The following SNX2 variants were observed in gnomAD, a reference collection of about 807,000 sequenced individuals.
SNX2 encodes the protein sorting nexin-2.
A neutral mutation model predicts 69.9 loss-of-function variants in SNX2; 25 were observed. The ratio of observed to expected loss-of-function variants is 0.36; its 90% CI spans 0.26 to 0.50. The LOEUF is 0.50. Ranked by LOEUF, SNX2 falls within the 20% of genes least tolerant of loss-of-function variation. SNX2 has a pLI of 0.97. For missense variants in SNX2, 551 were observed against 613.3 expected, an observed-to-expected ratio of 0.90 and a Z score of 1.07; for synonymous variants, 229 against 200.4, an observed-to-expected ratio of 1.14 and a Z score of -1.20.
Position 122,803,488 on chromosome 5 carries a change from T to C in SNX2, c.518T>C (p.Phe173Ser). ...CACTTGTAGACATCTCTTTCCATGT[T>C]CAGTAAGAGTGAATTTTCAGTGAAA... Reference protein sequence around the residue: ...RVTTKTSLSMFSKSEFSVKRR... With the variant: ...RVTTKTSLSMSSKSEFSVKRR... The change falls in exon 6 of 15, where the codon TTC (phenylalanine) becomes TCC (serine). Residue 173 changes from phenylalanine to serine, a missense_variant. Coordinates refer to ENST00000379516, the MANE Select transcript of SNX2 (RefSeq NM_003100.4). The C allele has an allele frequency of 6.2e-7, 1 of 1,609,078 alleles. No individual in the cohort carries two copies.
chr5:122,816,365 T>C (rs986894214), intron 8 of SNX2, among the ~76,000 whole-genome samples: 1 of 152,186 alleles, frequency 6.6e-6, no homozygotes, highest in Middle Eastern at 3.2e-3. Flanking sequence ...AATGCAAATT[T>C]GTGACTTGAA....
chr5:122,802,115 A>G lies in SNX2; in HGVS notation c.492A>G (p.Val164=), dbSNP rs765877283. Residue 164 remains valine (V), a synonymous_variant, in exon 5 of 15, where the codon GTA becomes GTG. Transcript: ENST00000379516. Reference sequence around the variant, plus strand: ...TGAATGCCTATATGGCATATAGAGTAACAACAAAGGTGAGCTTTTTGTGCT... The same window carrying G: ...TGAATGCCTATATGGCATATAGAGTGACAACAAAGGTGAGCTTTTTGTGCT... The part of the protein sequence containing the change: ...DGMNAYMAYR[V]TTKTSLSMFS... 2.0e-5 allele frequency: 33 copies of G among 1,613,740 alleles called. No homozygotes were observed. Among genetic ancestry groups the G allele is most frequent in the African/African-American group, 1.1e-4 (8 of 74,934 alleles).
At chr5:122,820,761 T>C (rs1267878870) in intron 11 of SNX2, among the ~76,000 whole-genome samples, 1 of 152,216 alleles carries the variant, frequency 6.6e-6, no homozygotes, top group Admixed American at 6.5e-5. Flanking sequence ...TACAGTTAGC[T>C]AAGTTTGGGA....
At position 122,818,799 on chromosome 5, in the gene SNX2, AC is replaced by A. The variant is rs1300875299; in HGVS notation, c.1007-18del. ...TTATGAGTGAACACTAAAATTGCATACTTTTTTTTAAATTTCAGAACTTTCA... is the reference window on the plus strand; with the variant it reads ...TTATGAGTGAACACTAAAATTGCATATTTTTTTTAAATTTCAGAACTTTCA... On this transcript the variant is annotated intron_variant, in intron 10 of 14. Coordinates refer to ENST00000379516, the MANE Select transcript of SNX2 (RefSeq NM_003100.4). The A allele has an allele frequency of 6.2e-7, 1 of 1,601,204 alleles. No homozygotes were observed. Among genetic ancestry groups the A allele is most frequent in the African/African-American group, 1.3e-5 (1 of 74,490 alleles).
chr5:122,806,113 C>CGTGTGTGTGTGT (rs767764868), intron 6 of SNX2, among the ~76,000 whole-genome samples: 128 of 117,404 alleles, frequency 1.1e-3, no homozygotes, highest in African/African-American at 2.5e-3. Flanking sequence ...TGTGTGTGTG[C>CGTGTGTGTGTGT]GTGTGTGTAT....
At chr5:122,789,505 T>G (rs1254498471) in intron 1 of SNX2, among the ~76,000 whole-genome samples, 1 of 128,156 alleles carries the variant, frequency 7.8e-6, no homozygotes, top group Non-Finnish European at 1.7e-5. Flanking sequence ...ACACACACAC[T>G]CTTCCTCTAG....
chr5:122,809,950 G>C (rs1156864633), intron 7 of SNX2, among the ~76,000 whole-genome samples: 1 of 152,130 alleles, frequency 6.6e-6, no homozygotes, highest in African/African-American at 2.4e-5. Context: ...TTTATTGTAG[G>C]AGAGGTCATA....
At position 122,833,512 on chromosome 5, in the gene SNX2, T is replaced by C. The variant is rs1754342296; in HGVS notation, c.*3864T>C. 1 of 152,210 alleles carries C rather than the reference T, an allele frequency of 6.6e-6. No individual in the cohort carries two copies. Among genetic ancestry groups the C allele is most frequent in the Non-Finnish European group, 1.5e-5 (1 of 68,026 alleles). 9.4% of individuals were successfully genotyped at this position (152,210 alleles called of 1,614,324 possible). A position where few individuals can be genotyped will look rare whatever the true frequency, so the allele number is the denominator to read the frequency against. On this transcript the variant is annotated 3_prime_UTR_variant, in exon 15 of 15. Transcript: ENST00000379516. ...AGTTATAAGATATTTTACATTCTTT[T>C]TTTGATATCTGATGTATATTTTACA...
At chr5:122,776,003 C>T (rs1027355129) in intron 1 of SNX2, among the ~76,000 whole-genome samples, 1 of 152,128 alleles carries the variant, frequency 6.6e-6, no homozygotes, top group East Asian at 1.9e-4. Context: ...GAAGCACCCT[C>T]TATAAACTTA....
At chr5:122,810,924 G>C (rs12109789) in intron 7 of SNX2, among the ~76,000 whole-genome samples, 62,740 of 152,024 alleles carry the variant, frequency 0.41, 13,537 homozygotes, top group African/African-American at 0.5. Context: ...ATTCTTCTGT[G>C]CAAGCTAATT....
intron 12 of SNX2, among the ~76,000 whole-genome samples, chr5:122,826,398 G>A (rs1412048803): frequency 6.6e-6 from 1 of 151,862 alleles, no homozygotes; most frequent in Non-Finnish European, 1.5e-5. Context: ...GGATAAAGAA[G>A]CATACAAGGA....
At position 122,786,370 on chromosome 5, in the gene SNX2, G is replaced by A. The variant is rs75267127; in HGVS notation, c.109-8896G>A. On this transcript the variant is annotated intron_variant, in intron 1 of 14. Transcript: ENST00000379516. Reference sequence around the variant, plus strand: ...TTGATGTGGCTAGATTAGATCTACCGTTTTATTTGCTTACTGTTTTTCTCT... The same window carrying A: ...TTGATGTGGCTAGATTAGATCTACCATTTTATTTGCTTACTGTTTTTCTCT... 8.4e-3 allele frequency among the ~76,000 whole-genome samples: 1,274 copies of A among 151,890 alleles called. 19 individuals are homozygous for A. Among genetic ancestry groups the A allele is most frequent in the African/African-American group, 0.029 (1,204 of 41,452 alleles).
At chr5:122,779,649 T>A (rs1408202831) in intron 1 of SNX2, among the ~76,000 whole-genome samples, 1 of 152,222 alleles carries the variant, frequency 6.6e-6, no homozygotes, top group Non-Finnish European at 1.5e-5. Flanking sequence ...AATTGCTGGG[T>A]TATGTGGTAA....
chr5:122,785,074 T>C (rs1753054164), intron 1 of SNX2, among the ~76,000 whole-genome samples: 1 of 152,128 alleles, frequency 6.6e-6, no homozygotes, highest in Non-Finnish European at 1.5e-5. Context: ...TTTTTTTTCC[T>C]GATACTGGTA....
chr5:122,817,396 G>A (rs762829791), intron 10 of SNX2, 23 bp downstream of exon 10: 18 of 1,477,362 alleles, frequency 1.2e-5, no homozygotes, highest in African/African-American at 6.9e-5. Context: ...TACTACTTAC[G>A]TAGTTAGCAC....
intron 1 of SNX2, among the ~76,000 whole-genome samples, chr5:122,783,391 G>C (rs776704950): frequency 2.6e-5 from 4 of 151,990 alleles, no homozygotes; most frequent in Admixed American, 1.3e-4. Flanking sequence ...TTTAACCCAT[G>C]GTCACAAAGA....
chr5:122,827,162 A>C (rs3797071), intron 12 of SNX2, among the ~76,000 whole-genome samples: 31,123 of 152,002 alleles, frequency 0.2, 3,619 homozygotes, highest in East Asian at 0.47. Context: ...AAATATCTTA[A>C]TATTGAGCAA....
intron 1 of SNX2, chr5:122,775,605 A>G: frequency 1.0e-6 from 1 of 989,950 alleles, no homozygotes; most frequent in Non-Finnish European, 1.2e-6. Flanking sequence ...TTTCCTTTCC[A>G]GAGGGAGGGT....
intron 12 of SNX2, 86 bp downstream of exon 12, chr5:122,826,279 C>T: frequency 8.7e-7 from 1 of 1,147,478 alleles, no homozygotes; most frequent in Non-Finnish European, 1.2e-6. Flanking sequence ...TTTTGTAAAC[C>T]ATTCAACACG....
Sources: gnomAD v4.1 joint callset for allele counts (sites outside exome capture counted in the v4.1 genomes callset) on GRCh38, gnomAD v4.1.1 for gene constraint, MANE v1.5 for transcripts, NCBI Gene and HGNC (gene_info 2026-07-23, HGNC 2026-07-21) for gene names.